Variants in BMP7 observed in about 807,000 individuals in gnomAD.
BMP7 encodes the protein bone morphogenetic protein 7, also known as osteogenic protein 1.
In BMP7, 12 loss-of-function variants were observed where a neutral mutation model predicts 41.2. The observed-to-expected ratio is 0.29, with a 90% CI of 0.19 to 0.47. BMP7 has a LOEUF of 0.47. Among genes scored for constraint, BMP7 ranks in the 20% least tolerant of loss-of-function variants. The pLI is 0.99. For synonymous variants in BMP7, 248 were observed against 250.0 expected (o/e 0.99, Z 0.07); for missense variants, 467 against 606.0 (o/e 0.77, Z 2.41).
At chr20:57,192,004 TAATA>T (rs1176662044) in intron 3 of BMP7, among the ~76,000 whole-genome samples, 1 of 126,162 alleles carries the variant, frequency 7.9e-6, no homozygotes, top group African/African-American at 3.2e-5. Context: ...ATTGTATATG[TAATA>T]TATATTATAT....
In BMP7 at chr20:57,261,315, T is replaced by C. The variant is rs923482741; in HGVS notation, c.418+4390A>G. ...ATCATCCCCCTTGCTGCCCTGAAAC[T>C]GATTTGCAAGTGGGCCATCTCTGTT... On this transcript the variant is annotated intron_variant, in intron 1 of 6. Transcript: ENST00000395863. This position sits in a 1 kb window ranked among gnomAD's most constrained non-coding sequence, Gnocchi z 4.1. Among the ~76,000 whole-genome samples, 11 of 152,166 alleles carry C rather than the reference T, an allele frequency of 7.2e-5. No individual in the cohort carries two copies. Among genetic ancestry groups the C allele is most frequent in the African/African-American group, 2.7e-4 (11 of 41,440 alleles).
In BMP7 at chr20:57,174,516, G is replaced by A. The variant is rs1234436002; in HGVS notation, c.1035+415C>T. 1.3e-5 allele frequency among the ~76,000 whole-genome samples: 2 copies of A among 152,108 alleles called. No homozygotes were observed. The highest frequency in any genetic ancestry group is 2.4e-5 in the African/African-American group (1 of 41,406). Reference sequence around the variant, plus strand: ...ACAGTTGACTGGTTCAGGAACAAGTGCCTGAACCAAGCTGGGCAGATCCGT... The same window carrying A: ...ACAGTTGACTGGTTCAGGAACAAGTACCTGAACCAAGCTGGGCAGATCCGT... On this transcript the variant is annotated intron_variant, in intron 5 of 6. Coordinates refer to ENST00000395863, the MANE Select transcript of BMP7 (RefSeq NM_001719.3). The surrounding 1 kb of genome is among the most constrained non-coding windows in gnomAD (Gnocchi z 4.3).
At chr20:57,231,285 C>T (rs2066028629) in intron 1 of BMP7, among the ~76,000 whole-genome samples, 1 of 152,254 alleles carries the variant, frequency 6.6e-6, no homozygotes, top group African/African-American at 2.4e-5. Context: ...TATTAGACCG[C>T]AATCCATGTA....
At chr20:57,182,468 G>A (rs966938598) in intron 4 of BMP7, among the ~76,000 whole-genome samples, 6 of 152,246 alleles carry the variant, frequency 3.9e-5, no homozygotes, top group Non-Finnish European at 2.9e-5. Flanking sequence ...GGGGCTCCAC[G>A]AATGCCTGGT....
intron 1 of BMP7, among the ~76,000 whole-genome samples, chr20:57,229,328 G>A (rs2066019920): frequency 6.6e-6 from 1 of 152,222 alleles, no homozygotes; most frequent in Admixed American, 6.5e-5. Context: ...GCACTAAAAG[G>A]AGTGAATGGC....
chr20:57,193,912 G>A (rs914639258), intron 3 of BMP7, among the ~76,000 whole-genome samples: 6 of 152,238 alleles, frequency 3.9e-5, no homozygotes, highest in African/African-American at 9.6e-5. Flanking sequence ...ATGGTCCAGA[G>A]CAGATTGGAG....
chr20:57,199,284 C>A (rs1204866446), intron 3 of BMP7, among the ~76,000 whole-genome samples: 1 of 152,170 alleles, frequency 6.6e-6, no homozygotes, highest in Non-Finnish European at 1.5e-5. Context: ...GCCCAGGCAC[C>A]ATCTTGTAAA....
At chr20:57,182,548 C>T (rs920229485) in intron 4 of BMP7, among the ~76,000 whole-genome samples, 15 of 152,246 alleles carry the variant, frequency 9.9e-5, no homozygotes, top group African/African-American at 3.1e-4. Flanking sequence ...TAGATGGCCC[C>T]GGCAATGCCC....
chr20:57,205,238 C>A (rs568981687), intron 2 of BMP7, among the ~76,000 whole-genome samples: 1 of 152,316 alleles, frequency 6.6e-6, no homozygotes, highest in Admixed American at 6.5e-5. Context: ...TTTTTAGAGC[C>A]ACACAGGACT....
chr20:57,249,080 C>A (rs1267570263), intron 1 of BMP7, among the ~76,000 whole-genome samples: 1 of 152,030 alleles, frequency 6.6e-6, no homozygotes, highest in Admixed American at 6.6e-5. Flanking sequence ...GGATTACAGG[C>A]ATGAGCCACC....
chr20:57,206,445 G>A (rs762532902), intron 2 of BMP7, among the ~76,000 whole-genome samples: 45 of 152,266 alleles, frequency 3.0e-4, no homozygotes, highest in South Asian at 6.2e-4. Flanking sequence ...AGAACCAGGC[G>A]ACAGCGCAGG....
chr20:57,225,861 T>C (rs897430626), intron 2 of BMP7: 15 of 471,376 alleles, frequency 3.2e-5, no homozygotes, highest in African/African-American at 1.0e-4. Context: ...CCACCTGCCA[T>C]GTCCTCTCCT....
chr20:57,177,700 G>A (rs913530471), intron 4 of BMP7: 4 of 152,260 alleles, frequency 2.6e-5, no homozygotes, highest in Middle Eastern at 3.4e-3. Flanking sequence ...CACCAATAAC[G>A]AAATTACATT....
At position 57,259,370 on chromosome 20, in the gene BMP7, T is replaced by C. The variant is rs1376789341; in HGVS notation, c.418+6335A>G. ...GCTCCTGCATGGGAACAAATTAACA[T>C]TGGCATTCCAAACACAGGAAAGGAA... is the stretch of plus-strand genomic sequence containing the variant. On this transcript the variant is annotated intron_variant, in intron 1 of 6. Transcript: ENST00000395863. This position sits in a 1 kb window ranked among gnomAD's most constrained non-coding sequence, Gnocchi z 4.7. Among the ~76,000 whole-genome samples the C allele has an allele frequency of 2.0e-5, 3 of 152,192 alleles. No individual in the cohort carries two copies. Among genetic ancestry groups the C allele is most frequent in the African/African-American group, 2.4e-5 (1 of 41,442 alleles).
chr20:57,254,421 G>A (rs2066126064), intron 1 of BMP7, among the ~76,000 whole-genome samples: 1 of 151,930 alleles, frequency 6.6e-6, no homozygotes, highest in East Asian at 1.9e-4. Flanking sequence ...TCCTCCCCAC[G>A]GGCAGCTCTC....
intron 1 of BMP7, among the ~76,000 whole-genome samples, chr20:57,255,500 T>TAA (rs374820607): frequency 1.3e-3 from 203 of 152,272 alleles, no homozygotes; most frequent in African/African-American, 4.6e-3. Context: ...CTGCCTGGAC[T>TAA]AAGAAATGTC....
intron 2 of BMP7, among the ~76,000 whole-genome samples, chr20:57,223,665 T>C (rs1205716320): frequency 6.6e-6 from 1 of 152,182 alleles, no homozygotes; most frequent in Admixed American, 6.5e-5. Context: ...TACATCTTCA[T>C]AGGAACCTTT....
intron 3 of BMP7, among the ~76,000 whole-genome samples, chr20:57,192,206 T>C (rs552936845): frequency 1.6e-3 from 203 of 128,572 alleles, no homozygotes; most frequent in Non-Finnish European, 2.7e-3. Flanking sequence ...ATATATACTA[T>C]TACATATTAT....
chr20:57,191,602 C>T (rs566964645), intron 3 of BMP7, among the ~76,000 whole-genome samples: 114 of 151,756 alleles, frequency 7.5e-4, no homozygotes, highest in South Asian at 3.7e-3. Flanking sequence ...TCATGGTGCA[C>T]GCCTGTAATC....
Sources: gnomAD v4.1 joint callset for allele counts (sites outside exome capture counted in the v4.1 genomes callset) on GRCh38, gnomAD v4.1.1 for gene constraint, Gnocchi (gnomAD v3.1) non-coding constraint, MANE v1.5 for transcripts, NCBI Gene and HGNC (gene_info 2026-07-23, HGNC 2026-07-21) for gene names.